ARMC2: variants seen among roughly 807,000 people sequenced by gnomAD.
The protein encoded by ARMC2 is armadillo repeat-containing protein 2.
In ARMC2, 67 loss-of-function variants were observed where a neutral mutation model predicts 90.3. The observed-to-expected ratio is 0.74, with a 90% CI of 0.61 to 0.91. The LOEUF is 0.91. Among genes scored for constraint, ARMC2 ranks in the 40% least tolerant of loss-of-function variants. The probability of loss-of-function intolerance (pLI) is 0.00; values close to 1 mark genes in which losing one functional copy is unlikely to be tolerated. For synonymous variants in ARMC2, 393 were observed against 393.0 expected, an observed-to-expected ratio of 1.00 and a Z score of 0.00; for missense variants, 920 against 1,030.9, an observed-to-expected ratio of 0.89 and a Z score of 1.47.
At chr6:108,975,765 CT>C (rs1457305829), downstream of ARMC2, among the ~76,000 whole-genome samples, 3 of 152,244 alleles carry the variant, frequency 2.0e-5, no homozygotes, top group Non-Finnish European at 4.4e-5. Context: ...TGATGATGAG[CT>C]TTTTTTCATG....
chr6:109,027,962 C>T, the ARMC2 span, among the ~76,000 whole-genome samples: 1 of 152,016 alleles, frequency 6.6e-6, no homozygotes, highest in African/African-American at 2.4e-5. Flanking sequence ...ATTTTGAATA[C>T]AAGTACTTTG....
At chr6:108,964,916 CAATATT>C (rs1202534698) in intron 16 of ARMC2, 58 bp from the exon 17 acceptor site, 2 of 1,210,946 alleles carry the variant, frequency 1.7e-6, no homozygotes, top group African/African-American at 1.5e-5. Flanking sequence ...ATTATGCTAA[CAATATT>C]AAAATTAAAG....
rs148334615 is a variant in ARMC2 at position 108,896,493 on chromosome 6, G to T, written c.748+1950G>T. ...ACTCAGGGATTGTGTATAAAATGGA[G>T]GCAGGAGGAGGCCCAGCGTGAATGA... is the stretch of plus-strand genomic sequence containing the variant. On this transcript the variant is annotated intron_variant, in intron 6 of 17. Transcript: ENST00000392644. Among the ~76,000 whole-genome samples, 73 of 152,270 alleles carry T rather than the reference G, an allele frequency of 4.8e-4. No homozygotes were observed. The East Asian group carries it at 0.012, about 26-fold the overall frequency.
chr6:108,932,516 C>CTTTTTTTTTTTTTTTTT (rs60000198), intron 11 of ARMC2, among the ~76,000 whole-genome samples: 6 of 77,894 alleles, frequency 7.7e-5, no homozygotes, highest in African/African-American at 1.8e-4. Flanking sequence ...TTCTCCATTG[C>CTTTTTTTTTTTTTTTTT]TTTTTTTTTT....
intron 8 of ARMC2, among the ~76,000 whole-genome samples, chr6:108,908,144 G>T (rs1486056776): frequency 2.0e-5 from 3 of 151,976 alleles, no homozygotes; most frequent in Non-Finnish European, 4.4e-5. Context: ...GTGCTGGGGG[G>T]GGCCTGAGAT....
rs558688949 is a variant in ARMC2 at position 108,867,331 on chromosome 6, T to C, written c.292-1493T>C. 7.6e-4 allele frequency among the ~76,000 whole-genome samples: 115 copies of C among 152,290 alleles called. 2 individuals are homozygous for C. The highest frequency in any genetic ancestry group is 7.1e-3 in the Admixed American group (108 of 15,300). On this transcript the variant is annotated intron_variant, in intron 3 of 17. Transcript: ENST00000392644. ...GAGTTCTGGGTGGCACAGAACTTGG[T>C]GCAGGTGTTTTTTTTAAAGTTTTTA... is the stretch of plus-strand genomic sequence containing the variant.
chr6:109,002,316 G>T, the ARMC2 span: 186,720 of 1,611,464 alleles, frequency 0.12, 11,940 homozygotes, highest in South Asian at 0.19. Flanking sequence ...CCCTGTCCTA[G>T]TGGTCGAGGA....
At chr6:108,853,865 G>A (rs1354111623) in intron 1 of ARMC2, among the ~76,000 whole-genome samples, 1 of 151,890 alleles carries the variant, frequency 6.6e-6, no homozygotes, top group Non-Finnish European at 1.5e-5. Context: ...GAGGGCAGTG[G>A]GGAAGAAAAG....
chr6:108,994,163 A>AAAG, the ARMC2 span, among the ~76,000 whole-genome samples: 6 of 147,074 alleles, frequency 4.1e-5, no homozygotes, highest in South Asian at 2.2e-4. Context: ...AAAAAAAAAA[A>AAAG]GAGAAAAAAG....
intron 12 of ARMC2, among the ~76,000 whole-genome samples, chr6:108,944,337 A>G (rs1290695638): frequency 1.3e-5 from 2 of 152,244 alleles, no homozygotes; most frequent in South Asian, 4.1e-4. Context: ...TGGAGAACAC[A>G]GGATGGTACA....
chr6:108,890,200 A>AC (rs1770842440), intron 5 of ARMC2, among the ~76,000 whole-genome samples: 1 of 20,100 alleles, frequency 5.0e-5, no homozygotes, highest in Non-Finnish European at 1.2e-4. Flanking sequence ...AAAAAAAAAA[A>AC]AAAAAAAAAA....
chr6:108,971,173 G>A (rs185868418), intron 17 of ARMC2, among the ~76,000 whole-genome samples: 13 of 151,718 alleles, frequency 8.6e-5, no homozygotes, highest in African/African-American at 2.9e-4. Flanking sequence ...GCAGTGAGCC[G>A]AGATCACACC....
the ARMC2 span, among the ~76,000 whole-genome samples, chr6:109,035,641 G>A: frequency 3.3e-5 from 5 of 152,100 alleles, no homozygotes; most frequent in South Asian, 2.1e-4. Context: ...TTGAGAAGGG[G>A]TCTCACTCTG....
the ARMC2 span, among the ~76,000 whole-genome samples, chr6:109,045,634 C>T: frequency 2.0e-5 from 3 of 152,218 alleles, no homozygotes; most frequent in Non-Finnish European, 4.4e-5. Context: ...AGTCAGGCTT[C>T]AAGAGCCAGC....
chr6:108,970,502 T>TC (rs1265706359), intron 17 of ARMC2, among the ~76,000 whole-genome samples: 1 of 143,982 alleles, frequency 6.9e-6, no homozygotes, highest in East Asian at 2.0e-4. Flanking sequence ...TTCTTTTTTT[T>TC]TTTTTTTTTT....
intron 12 of ARMC2, among the ~76,000 whole-genome samples, chr6:108,942,767 A>G (rs763925885): frequency 2.0e-5 from 3 of 152,182 alleles, no homozygotes; most frequent in African/African-American, 4.8e-5. Context: ...CTGGGAGGTT[A>G]GTATTGCTTC....
the ARMC2 span, among the ~76,000 whole-genome samples, chr6:109,040,129 A>T: frequency 6.6e-6 from 1 of 152,214 alleles, no homozygotes; most frequent in Non-Finnish European, 1.5e-5. Context: ...GAGATAAGAG[A>T]TTATTATTTG....
chr6:108,938,564 G>A (rs1476512066), intron 12 of ARMC2, among the ~76,000 whole-genome samples: 4 of 122,966 alleles, frequency 3.3e-5, no homozygotes, highest in Admixed American at 8.2e-5. Context: ...TTAATGTTAT[G>A]AATTTTAATT....
At position 108,926,595 on chromosome 6, in the gene ARMC2, C is replaced by T. The variant is rs575508684; in HGVS notation, c.1351-1493C>T. ...CAAAAATTAGCCAGACATGGTGGCA[C>T]GCACCTGTAATTCCAGCTACTTGGG... is the stretch of plus-strand genomic sequence containing the variant. On this transcript the variant is annotated intron_variant, in intron 10 of 17. Transcript: ENST00000392644. Among the ~76,000 whole-genome samples, 252 of 152,082 alleles carry T rather than the reference C, an allele frequency of 1.7e-3. 1 individual carries two copies. Among genetic ancestry groups the T allele is most frequent in the Non-Finnish European group, 2.3e-3 (158 of 68,012 alleles).
Sources: allele counts gnomAD v4.1 joint callset (sites outside exome capture counted in the v4.1 genomes callset), GRCh38; gene constraint gnomAD v4.1.1; transcripts MANE v1.5; gene names NCBI Gene and HGNC (gene_info 2026-07-23, HGNC 2026-07-21).